The following NAALADL2 variants were observed in gnomAD, a reference collection of about 807,000 sequenced individuals.
NAALADL2 encodes N-acetylated alpha-linked acidic dipeptidase like 2.
NAALADL2 carries 76 observed loss-of-function variants against 87.2 expected under a neutral mutation model. That is an observed-to-expected ratio of 0.87 (90% CI 0.72 to 1.05). The LOEUF is 1.05. Among genes scored for constraint, NAALADL2 ranks in the 50% least tolerant of loss-of-function variants. The pLI is 0.00. For missense variants in NAALADL2, 1,089 were observed against 945.8 expected (o/e 1.15, Z -1.99); for synonymous variants, 354 against 331.0 (o/e 1.07, Z -0.75).
At chr3:175,763,705 T>C (rs1263853815) in intron 13 of NAALADL2, among the ~76,000 whole-genome samples, 1 of 152,220 alleles carries the variant, frequency 6.6e-6, no homozygotes, top group East Asian at 1.9e-4. Flanking sequence ...GTAAGGTATA[T>C]GAACATGACC....
At chr3:175,674,248 T>G (rs865940443) in intron 11 of NAALADL2, among the ~76,000 whole-genome samples, 2,824 of 105,514 alleles carry the variant, frequency 0.027, 106 homozygotes, top group African/African-American at 0.11. Context: ...ACTGATAGTG[T>G]TTTTTTTTTT....
At chr3:174,510,809 T>G (rs1578055072) in intron 1 of NAALADL2, among the ~76,000 whole-genome samples, 3 of 81,094 alleles carry the variant, frequency 3.7e-5, no homozygotes. Flanking sequence ...GATTTAAGAG[T>G]TTTTTTTCTT....
In NAALADL2 at chr3:175,718,487, T is replaced by C. The variant is rs1048879146; in HGVS notation, c.1897-18819T>C. On this transcript the variant is annotated intron_variant, in intron 11 of 13. Coordinates refer to ENST00000454872, the MANE Select transcript of NAALADL2 (RefSeq NM_207015.3). ...TATTTTAAGGCTGTATATTCGGTTT[T>C]CATAAATTGTTCTTGGAGGCCCAAT... 7.6e-6 allele frequency: 12 copies of C among 1,586,796 alleles called. No homozygotes were observed. The African/African-American group carries it at 1.6e-4, about 21-fold the overall frequency.
In NAALADL2 at chr3:175,697,412, C is replaced by G. The variant is rs567512108; in HGVS notation, c.1897-39894C>G. Among the ~76,000 whole-genome samples the G allele has an allele frequency of 2.1e-4, 32 of 151,452 alleles. No homozygotes were observed. In the East Asian group the frequency reaches 4.7e-3, roughly 22 times the overall value. ...AAAGCTGCACACAGACACACACACA[C>G]ACACACACACACACACACACAAAAC... On this transcript the variant is annotated intron_variant, in intron 11 of 13. Coordinates refer to ENST00000454872, the MANE Select transcript of NAALADL2 (RefSeq NM_207015.3).
At chr3:175,463,317 G>C (rs1723438118) in intron 6 of NAALADL2, 84 bp from the exon 7 acceptor site, 1 of 802,810 alleles carries the variant, frequency 1.2e-6, no homozygotes, top group African/African-American at 1.8e-5. Flanking sequence ...TTTTGCTGAT[G>C]ATATTGGATA....
chr3:174,997,833 AAAC>A (rs60367540), intron 1 of NAALADL2, among the ~76,000 whole-genome samples: 436 of 142,032 alleles, frequency 3.1e-3, no homozygotes, highest in African/African-American at 7.4e-3. Context: ...ACCAAAAAGC[AAAC>A]AACAACAACA....
At chr3:175,729,275 G>A (rs1221010450) in intron 11 of NAALADL2, among the ~76,000 whole-genome samples, 1 of 152,106 alleles carries the variant, frequency 6.6e-6, no homozygotes, top group African/African-American at 2.4e-5. Context: ...GCATGGTAAT[G>A]ATCACACAAT....
At chr3:174,967,594 C>T (rs1743068558) in intron 1 of NAALADL2, among the ~76,000 whole-genome samples, 1 of 152,124 alleles carries the variant, frequency 6.6e-6, no homozygotes, top group South Asian at 2.1e-4. Flanking sequence ...TTCTCATTTT[C>T]TTGCTTCCCT....
chr3:175,610,648 CTTCCCTT>C (rs960319021), intron 10 of NAALADL2, among the ~76,000 whole-genome samples: 1 of 152,094 alleles, frequency 6.6e-6, no homozygotes, highest in African/African-American at 2.4e-5. Context: ...TTACCATCTT[CTTCCCTT>C]TTGTGTGGAA....
intron 9 of NAALADL2, among the ~76,000 whole-genome samples, chr3:175,548,321 G>C (rs1394269370): frequency 6.6e-6 from 1 of 152,054 alleles, no homozygotes; most frequent in Non-Finnish European, 1.5e-5. Flanking sequence ...AATACCACAT[G>C]TTCTCACTTA....
At chr3:174,779,137 T>C (rs193189536) in intron 3 of NAALADL2, among the ~76,000 whole-genome samples, 1,880 of 152,258 alleles carry the variant, frequency 0.012, 20 homozygotes, top group Non-Finnish European at 0.019. Flanking sequence ...CTCTCCAGCA[T>C]CTGTTGTTTC....
intron 2 of NAALADL2, among the ~76,000 whole-genome samples, chr3:175,127,242 C>A (rs921372534): frequency 6.6e-6 from 1 of 152,110 alleles, no homozygotes; most frequent in South Asian, 2.1e-4. Flanking sequence ...CCGCTACCCC[C>A]CAAAGTGAAG....
chr3:175,667,959 GCA>G (rs1733434245), intron 11 of NAALADL2, among the ~76,000 whole-genome samples: 2 of 152,036 alleles, frequency 1.3e-5, no homozygotes, highest in Non-Finnish European at 2.9e-5. Context: ...GGCACTCACT[GCA>G]TAAGGGACCA....
intron 3 of NAALADL2, among the ~76,000 whole-genome samples, chr3:174,851,114 G>A (rs1725190407): frequency 6.6e-6 from 1 of 152,016 alleles, no homozygotes; most frequent in South Asian, 2.1e-4. Context: ...TGCAAAAACA[G>A]TAGTGAGAGG....
At chr3:175,741,763 T>C (rs549853743) in intron 12 of NAALADL2, among the ~76,000 whole-genome samples, 24 of 152,246 alleles carry the variant, frequency 1.6e-4, no homozygotes, top group African/African-American at 5.5e-4. Context: ...GTTTCCTCAC[T>C]TATCACTAGG....
intron 1 of NAALADL2, among the ~76,000 whole-genome samples, chr3:174,910,172 A>G (rs1733514869): frequency 6.6e-6 from 1 of 151,984 alleles, no homozygotes; most frequent in South Asian, 2.1e-4. Context: ...ATACATATAT[A>G]TATATCACAT....
chr3:175,309,729 T>C (rs1758136484), intron 4 of NAALADL2, among the ~76,000 whole-genome samples: 1 of 151,920 alleles, frequency 6.6e-6, no homozygotes. Context: ...CCAAAATAAA[T>C]AAATTGATTA....
Position 175,097,354 on chromosome 3 carries a change from G to T in NAALADL2, c.545+63G>T, listed in dbSNP as rs1050118676. Reference sequence around the variant, plus strand: ...TCTTGGGAAAAATGTCTCACAGGGGGTATTGAACTGATGATTTTTCATGGT... The same window carrying T: ...TCTTGGGAAAAATGTCTCACAGGGGTTATTGAACTGATGATTTTTCATGGT... On this transcript the variant is annotated intron_variant, in intron 2 of 13. Coordinates refer to ENST00000454872, the MANE Select transcript of NAALADL2 (RefSeq NM_207015.3). 109 of 1,416,266 alleles carry T rather than the reference G, an allele frequency of 7.7e-5. No individual in the cohort carries two copies. In the Admixed American group the frequency reaches 2.1e-3, roughly 27 times the overall value. 87.7% of individuals were successfully genotyped at this position (1,416,266 alleles called of 1,614,324 possible).
intron 9 of NAALADL2, among the ~76,000 whole-genome samples, chr3:175,547,983 G>C (rs143961888): frequency 3.2e-4 from 49 of 152,004 alleles, no homozygotes; most frequent in African/African-American, 1.2e-3. Flanking sequence ...TATTGTAGAA[G>C]ACAGTGTGGT....
Sources: gnomAD v4.1 joint callset for allele counts (sites outside exome capture counted in the v4.1 genomes callset) on GRCh38, gnomAD v4.1.1 for gene constraint, MANE v1.5 for transcripts, NCBI Gene and HGNC (gene_info 2026-07-23, HGNC 2026-07-21) for gene names.